ZNF541: variants seen among roughly 807,000 people sequenced by gnomAD.
ZNF541 encodes zinc finger protein 541.
Under a neutral mutation model 123.5 loss-of-function variants are expected in ZNF541, and 23 were observed. That is an observed-to-expected ratio of 0.19 (90% confidence interval 0.13 to 0.26). The LOEUF (loss-of-function observed/expected upper bound fraction) is 0.26, where lower values mean the gene tolerates loss of function less well. Among genes scored for constraint, ZNF541 ranks in the 10% least tolerant of loss-of-function variants. The probability of loss-of-function intolerance (pLI) is 1.00; values close to 1 mark genes in which losing one functional copy is unlikely to be tolerated. For synonymous variants in ZNF541, 751 were observed against 754.5 expected, an observed-to-expected ratio of 1.00 and a Z score of 0.08; for missense variants, 1,612 against 1,789.9, an observed-to-expected ratio of 0.90 and a Z score of 1.79.
At chr19:47,559,389 AAAAG>A (rs771684451) in intron 2 of ZNF541, among the ~76,000 whole-genome samples, 124 of 151,712 alleles carry the variant, frequency 8.2e-4, no homozygotes, top group Non-Finnish European at 1.4e-3. Flanking sequence ...AGAAAGAAAG[AAAAG>A]AAAGAAAGAA....
In ZNF541 at chr19:47,544,923, G is replaced by A; in HGVS notation, c.1606C>T (p.Pro536Ser). 2 of 1,535,654 alleles carry A rather than the reference G, an allele frequency of 1.3e-6. No individual in the cohort carries two copies. The highest frequency in any genetic ancestry group is 1.7e-6 in the Non-Finnish European group (2 of 1,146,708). The change falls in exon 5 of 17, where the codon CCG becomes TCG. Residue 536 changes from proline (P) to serine (S), a missense_variant. Pro to Ser is a moderately conservative substitution (Grantham distance 74). This residue lies in a region of ZNF541 where 1,080 missense variants were observed against 1,013.8 expected (regional missense o/e 1.07). Transcript: ENST00000391901. ...KAGGLPADAS[P>S]LFRQLFLKSQ... The stretch of plus-strand genomic sequence containing the variant: ...TTGAGGAAGAGCTGGCGGAAGAGCG[G>A]CGAGGCATCCGCAGGGAGCCCGCCT...
At chr19:47,543,321 T>C (rs1198920803) in intron 5 of ZNF541, among the ~76,000 whole-genome samples, 1 of 151,734 alleles carries the variant, frequency 6.6e-6, no homozygotes, top group Non-Finnish European at 1.5e-5. Flanking sequence ...AGGTTGGACA[T>C]GGAGTCAGGA....
chr19:47,548,113 A>T (rs1198505982), intron 4 of ZNF541, among the ~76,000 whole-genome samples: 2 of 124,826 alleles, frequency 1.6e-5, no homozygotes, highest in Admixed American at 7.7e-5. Context: ...TGAGTTTTTT[A>T]AAAAAGAAAA....
At chr19:47,550,000 C>G (rs2123218925) in intron 3 of ZNF541, among the ~76,000 whole-genome samples, 1 of 152,134 alleles carries the variant, frequency 6.6e-6, no homozygotes, top group African/African-American at 2.4e-5. Context: ...ACCTGTAATC[C>G]CAGCACTTTG....
At chr19:47,543,384 C>A (rs1970165294) in intron 5 of ZNF541, among the ~76,000 whole-genome samples, 1 of 151,950 alleles carries the variant, frequency 6.6e-6, no homozygotes, top group Admixed American at 6.6e-5. Flanking sequence ...TCTGGAGGAA[C>A]CAGTGAATAA....
At chr19:47,531,168 C>G (rs1198255379) in intron 12 of ZNF541, among the ~76,000 whole-genome samples, 1 of 138,756 alleles carries the variant, frequency 7.2e-6, no homozygotes, top group Non-Finnish European at 1.6e-5. Flanking sequence ...GGCAATGTGG[C>G]TCTTCCTCTC....
intron 5 of ZNF541, among the ~76,000 whole-genome samples, chr19:47,541,898 T>C (rs1295729893): frequency 6.6e-6 from 1 of 152,122 alleles, no homozygotes; most frequent in Non-Finnish European, 1.5e-5. Flanking sequence ...TCCTAGAACA[T>C]AAATCCCCAT....
At chr19:47,542,799 A>T (rs1158974585) in intron 5 of ZNF541, among the ~76,000 whole-genome samples, 1 of 152,058 alleles carries the variant, frequency 6.6e-6, no homozygotes, top group Non-Finnish European at 1.5e-5. Context: ...CACAAAAATT[A>T]GCCAGATGTG....
chr19:47,540,745 A>G (rs1032343446), intron 6 of ZNF541, 148 bp downstream of exon 6: 3 of 769,546 alleles, frequency 3.9e-6, no homozygotes, highest in Non-Finnish European at 6.0e-6. Flanking sequence ...CAGCCTGACT[A>G]CTCTTGATAA....
At chr19:47,571,753 CCT>C (rs1293098335) in intron 2 of ZNF541, among the ~76,000 whole-genome samples, 141 bp downstream of exon 2, 1 of 152,166 alleles carries the variant, frequency 6.6e-6, no homozygotes, top group Non-Finnish European at 1.5e-5. Context: ...AGCCCTTTTC[CCT>C]GTTTGACTTC....
chr19:47,535,469 G>A (rs1343965649), intron 9 of ZNF541, among the ~76,000 whole-genome samples: 1 of 152,208 alleles, frequency 6.6e-6, no homozygotes, highest in Non-Finnish European at 1.5e-5. Flanking sequence ...CAAGAAGGAG[G>A]AGAAATGAAA....
chr19:47,534,593 C>T (rs111242706), intron 9 of ZNF541, among the ~76,000 whole-genome samples: 4,499 of 151,684 alleles, frequency 0.03, 188 homozygotes, highest in African/African-American at 0.1. Context: ...TGCAGTGAGC[C>T]GAGATCATGC....
intron 3 of ZNF541, among the ~76,000 whole-genome samples, chr19:47,551,351 CTTCTTAT>C (rs1970592017): frequency 6.6e-6 from 1 of 151,420 alleles, no homozygotes; most frequent in Non-Finnish European, 1.5e-5. Flanking sequence ...GCCTTTTTAA[CTTCTTAT>C]TTCTTATTAT....
intron 5 of ZNF541, among the ~76,000 whole-genome samples, chr19:47,543,288 G>T (rs1318369769): frequency 6.6e-6 from 1 of 152,024 alleles, no homozygotes; most frequent in Non-Finnish European, 1.5e-5. Context: ...TTTTGGTAGA[G>T]ACAGGGTTTC....
rs1438987560 is a variant in ZNF541, at chr19:47,520,741, G to C, written c.*483C>G. On this transcript the variant is annotated 3_prime_UTR_variant, in exon 17 of 17. Coordinates refer to ENST00000391901, the MANE Select transcript of ZNF541 (RefSeq NM_001277075.3). ...CGAGTTGACATGTACAAAAAACACCGAACAATGCAGAATTCATCGCAAGAC... is the reference window on the plus strand; with the variant it reads ...CGAGTTGACATGTACAAAAAACACCCAACAATGCAGAATTCATCGCAAGAC... The C allele has an allele frequency of 6.5e-6, 1 of 154,052 alleles. No individual in the cohort carries two copies. The highest frequency in any genetic ancestry group is 1.4e-5 in the Non-Finnish European group (1 of 69,402). The allele number at this position is 154,052 out of a possible 1,614,324, so 9.5% of individuals were successfully genotyped here.
At chr19:47,563,170 T>G (rs1320277877) in intron 2 of ZNF541, among the ~76,000 whole-genome samples, 1 of 152,212 alleles carries the variant, frequency 6.6e-6, no homozygotes, top group Admixed American at 6.6e-5. Context: ...TAAAGTCACA[T>G]ACAGGTACGT....
At chr19:47,529,534 G>GTC in intron 13 of ZNF541, 43 bp downstream of exon 13, 2 of 1,542,734 alleles carry the variant, frequency 1.3e-6, no homozygotes, top group Non-Finnish European at 1.8e-6. Flanking sequence ...ATTCATAGGG[G>GTC]TCTCAGCTGG....
At chr19:47,568,733 C>T (rs972952255) in intron 2 of ZNF541, among the ~76,000 whole-genome samples, 3 of 152,152 alleles carry the variant, frequency 2.0e-5, no homozygotes, top group Non-Finnish European at 2.9e-5. Flanking sequence ...AGTGCAATGG[C>T]GTGGCCTTGG....
rs1426473127 is a variant in ZNF541, at chr19:47,531,757, A to C, written c.3302-12T>G. On this transcript the variant is annotated splice_polypyrimidine_tract_variant and intron_variant, in intron 11 of 16. Transcript: ENST00000391901. ...GCAGAGCTCGGTCACTGTTTCCAAG[A>C]AGGACATGAGGAAGAGGAGGCACAC... 9 of 1,538,836 alleles carry C rather than the reference A, an allele frequency of 5.8e-6. No individual in the cohort carries two copies. Among genetic ancestry groups the C allele is most frequent in the Non-Finnish European group, 7.9e-6 (9 of 1,137,552 alleles).
Sources: allele counts gnomAD v4.1 joint callset (sites outside exome capture counted in the v4.1 genomes callset), GRCh38; gene constraint gnomAD v4.1.1; regional missense constraint gnomAD v4.1.1; transcripts MANE v1.5; gene names NCBI Gene and HGNC (gene_info 2026-07-23, HGNC 2026-07-21).